Variants in NOTCH2NLA observed in about 807,000 individuals in gnomAD.
NOTCH2NLA encodes notch homolog 2 N-terminal-like protein A.
rs1360271256 is a variant in NOTCH2NLA at position 146,186,962 on chromosome 1, C to A, written c.38+2338G>T. Among the ~76,000 whole-genome samples the A allele has an allele frequency of 1.5e-5, 2 of 133,846 alleles. 1 individual carries two copies. The highest frequency in any genetic ancestry group is 3.5e-5 in the Non-Finnish European group (2 of 57,834). 87.8% of individuals were successfully genotyped at this position (133,846 alleles called of 152,430 possible). A position where few individuals can be genotyped will look rare whatever the true frequency, so the allele number is the denominator to read the frequency against. ...TGCCATGGTGGTTTGCTGCACCTAT[C>A]AACCCGTCATCCAGGTTTTAAGCCC... On this transcript the variant is annotated intron_variant, in intron 2 of 4. Transcript: ENST00000362074.
At chr1:146,172,483 A>G (rs1662037075) in intron 2 of NOTCH2NLA, among the ~76,000 whole-genome samples, 1 of 151,372 alleles carries the variant, frequency 6.6e-6, no homozygotes, top group African/African-American at 2.4e-5. Context: ...TTAGTAATCC[A>G]TAACTCGAAC....
At chr1:146,176,355 GT>G (rs1443829479) in intron 2 of NOTCH2NLA, among the ~76,000 whole-genome samples, 1 of 52,848 alleles carries the variant, frequency 1.9e-5, no homozygotes, top group Non-Finnish European at 4.6e-5. Context: ...AACTGAATGA[GT>G]TAGCTCAGTT....
chr1:146,158,249 T>C (rs1468148513), intron 3 of NOTCH2NLA, among the ~76,000 whole-genome samples: 1 of 148,698 alleles, frequency 6.7e-6, no homozygotes, highest in Non-Finnish European at 1.5e-5. Flanking sequence ...ATGTGCCATG[T>C]TGGTGTGCTG....
chr1:146,159,389 GAGAGAGAAAGAA>G (rs1661347304), intron 3 of NOTCH2NLA, among the ~76,000 whole-genome samples: 6 of 104,802 alleles, frequency 5.7e-5, no homozygotes, highest in Admixed American at 3.2e-4. Flanking sequence ...AAGAGAGAAA[GAGAGAGAAAGAA>G]AGAAAGAAAG....
At chr1:146,210,546 G>A (rs71672743) in intron 1 of NOTCH2NLA, among the ~76,000 whole-genome samples, 1 of 81,192 alleles carries the variant, frequency 1.2e-5, no homozygotes, top group Non-Finnish European at 2.3e-5. Context: ...ACTGAGATTA[G>A]GCACTATTAT....
chr1:146,177,870 G>A lies in NOTCH2NLA; in HGVS notation c.38+11430C>T, dbSNP rs369825805. Among the ~76,000 whole-genome samples the A allele has an allele frequency of 1.1e-4, 16 of 142,066 alleles. No homozygotes were observed. The East Asian group carries it at 3.1e-3, about 28-fold the overall frequency. The allele number at this position is 142,066 out of a possible 152,430, so 93.2% of individuals were successfully genotyped here. A position where few individuals can be genotyped will look rare whatever the true frequency, so the allele number is the denominator to read the frequency against. ...TGTTGATGTTAATGTTTGGGTGTTT[G>A]TGGTTGTATATGTCTTGACCACTGT... is the stretch of plus-strand genomic sequence containing the variant. On this transcript the variant is annotated intron_variant, in intron 2 of 4. Coordinates refer to ENST00000362074, the Ensembl canonical transcript of NOTCH2NLA.
downstream of NOTCH2NLA, chr1:146,153,767 GA>G (rs1661009755): frequency 6.6e-6 from 1 of 151,602 alleles, no homozygotes; most frequent in African/African-American, 2.4e-5. Context: ...CCCCTTTGTG[GA>G]AATGAAGAGA....
At chr1:146,159,085 T>C (rs1553803576) in intron 3 of NOTCH2NLA, among the ~76,000 whole-genome samples, 1 of 152,030 alleles carries the variant, frequency 6.6e-6, no homozygotes, top group African/African-American at 2.4e-5. Flanking sequence ...GGGCCGGAAG[T>C]GGTGGCTGAT....
chr1:146,171,206 C>T (rs1553806985), intron 2 of NOTCH2NLA, among the ~76,000 whole-genome samples: 1 of 123,928 alleles, frequency 8.1e-6, no homozygotes, highest in Non-Finnish European at 1.9e-5. Flanking sequence ...CCGAGGCAGG[C>T]AGATCACCAG....
intron 2 of NOTCH2NLA, among the ~76,000 whole-genome samples, chr1:146,170,322 TG>T (rs1294884918): frequency 1.1e-5 from 1 of 90,876 alleles, no homozygotes; most frequent in Non-Finnish European, 2.4e-5. Context: ...AAATAAAATG[TG>T]GTATATCCAT....
chr1:146,172,783 T>C (rs1327029100), intron 2 of NOTCH2NLA, among the ~76,000 whole-genome samples: 12 of 149,644 alleles, frequency 8.0e-5, no homozygotes, highest in Non-Finnish European at 1.7e-4. Flanking sequence ...TTGCTGTACC[T>C]TTCTCAAACT....
rs1663112102 is a variant in NOTCH2NLA at position 146,195,057 on chromosome 1, T to G, written c.-44-5676A>C. 1.8e-5 allele frequency among the ~76,000 whole-genome samples: 2 copies of G among 109,242 alleles called. 1 individual carries two copies. Among genetic ancestry groups the G allele is most frequent in the African/African-American group, 8.3e-5 (2 of 24,182 alleles). 71.7% of individuals were successfully genotyped at this position (109,242 alleles called of 152,430 possible). On this transcript the variant is annotated intron_variant, in intron 1 of 4. Coordinates refer to ENST00000362074, the Ensembl canonical transcript of NOTCH2NLA. ...CTCACAGGGCCACCCCCCCCCATCC[T>G]TGTAACACTCATGACTCTCAATTCA...
chr1:146,172,714 C>T (rs1357397020), intron 2 of NOTCH2NLA, among the ~76,000 whole-genome samples: 3 of 151,860 alleles, frequency 2.0e-5, no homozygotes, highest in African/African-American at 7.2e-5. Context: ...AGTGCCATGT[C>T]ATGCACTACA....
intron 3 of NOTCH2NLA, among the ~76,000 whole-genome samples, chr1:146,162,228 T>C (rs1661545131): frequency 1.4e-5 from 2 of 143,874 alleles, no homozygotes; most frequent in Admixed American, 7.4e-5. Context: ...ATCGTTAACT[T>C]TATGTAAGAG....
chr1:146,154,503 CT>C (rs1352479005), downstream of NOTCH2NLA: 1 of 151,248 alleles, frequency 6.6e-6, no homozygotes, highest in South Asian at 2.1e-4. Flanking sequence ...CTAATCTCCC[CT>C]CCCACACACA....
At chr1:146,223,929 G>A (rs1410802296) in intron 1 of NOTCH2NLA, among the ~76,000 whole-genome samples, 1 of 135,336 alleles carries the variant, frequency 7.4e-6, no homozygotes, top group Non-Finnish European at 1.6e-5. Flanking sequence ...CTGAATTTGG[G>A]GCACATGCCA....
chr1:146,154,003 C>CCATATA (rs1661017949), downstream of NOTCH2NLA: 1 of 73,394 alleles, frequency 1.4e-5, no homozygotes, highest in Non-Finnish European at 2.7e-5. Context: ...CTGCACAACG[C>CCATATA]CATACACACA....
chr1:146,204,847 A>AG lies in NOTCH2NLA; in HGVS notation c.-44-15467_-44-15466insC, dbSNP rs1210641249. Among the ~76,000 whole-genome samples the AG allele has an allele frequency of 1.7e-3, 14 of 8,220 alleles. No homozygotes were observed. The South Asian group carries it at 0.051, about 30-fold the overall frequency. The allele number at this position is 8,220 out of a possible 152,430, so 5.4% of individuals were successfully genotyped here. A position where few individuals can be genotyped will look rare whatever the true frequency, so the allele number is the denominator to read the frequency against. ...AGACTTTAAAAAAAAAAAAAAAAAAAAAGGAGCCTTTACCAAGCCCTAACT... is the reference window on the plus strand; with the variant it reads ...AGACTTTAAAAAAAAAAAAAAAAAAAGAAGGAGCCTTTACCAAGCCCTAACT... On this transcript the variant is annotated intron_variant, in intron 1 of 4. Transcript: ENST00000362074.
intron 3 of NOTCH2NLA, among the ~76,000 whole-genome samples, chr1:146,159,441 AAGAAAG>A (rs1412887795): frequency 2.0e-3 from 299 of 148,300 alleles, no homozygotes; most frequent in South Asian, 7.2e-3. Context: ...GAAAGAAAGA[AAGAAAG>A]AGAAAGAAAG....
Sources: allele counts gnomAD v4.1 joint callset (sites outside exome capture counted in the v4.1 genomes callset), GRCh38; gene constraint gnomAD v4.1.1; transcripts MANE v1.5; gene names NCBI Gene and HGNC (gene_info 2026-07-23, HGNC 2026-07-21).